The following CLDN17 variants were observed in gnomAD, a reference collection of about 807,000 sequenced individuals.
CLDN17 encodes the protein claudin-17.
CLDN17 carries 1 observed loss-of-function variant against 0.1 expected under a neutral mutation model. The ratio of observed to expected loss-of-function variants is 8.90; its 90% CI spans 3.16 to 42.21. CLDN17 has a LOEUF of 42.21. Among genes scored for constraint, CLDN17 ranks in the 30% most tolerant of loss-of-function variants. CLDN17 has a pLI of 0.11. For synonymous variants in CLDN17, 134 were observed against 106.7 expected, an observed-to-expected ratio of 1.26 and a Z score of -1.58; for missense variants, 294 against 274.9, an observed-to-expected ratio of 1.07 and a Z score of -0.49.
chr21:30,166,538 A>G lies in CLDN17; in HGVS notation c.80T>C (p.Leu27Pro). 2.5e-6 allele frequency: 4 copies of G among 1,614,196 alleles called. No individual in the cohort carries two copies. In the South Asian group the frequency reaches 3.3e-5, roughly 13 times the overall value. ...GMVGTLATTL[L>P]PQWRVSAFVG... ...AAAAGCTGATACTCTCCACTGAGGC[A>G]GAAGGGTTGTGGCAAGAGTCCCCAC... The change falls in exon 1 of 1, where the codon CTG becomes CCG. Residue 27 changes from leucine to proline, a missense_variant. By Grantham distance (98) the Leu-to-Pro change is moderately conservative (BLOSUM62 -3). Transcript: ENST00000286808.
rs1391203464 is a variant in CLDN17, at chr21:30,165,966, T to A, written c.652A>T (p.Lys218Ter). 1 of 1,614,060 alleles carries A rather than the reference T, an allele frequency of 6.2e-7. No homozygotes were observed. Among genetic ancestry groups the A allele is most frequent in the South Asian group, 1.1e-5 (1 of 91,080 alleles). ...CATTAGACATAACTGGTGGAGGTCT[T>A]ACTAAGCATTGTCGTATTTCTTCGC... ...DKRRNTTMLS[K>*]TSTSYV Residue 218 changes from lysine to a stop codon, truncating the protein, a stop_gained, in exon 1 of 1, where the codon AAG (lysine) becomes TAG (stop). Coordinates refer to ENST00000286808, the MANE Select transcript of CLDN17 (RefSeq NM_012131.3). LOFTEE classifies it high-confidence loss of function.
chr21:30,166,259 C>T lies in CLDN17; in HGVS notation c.359G>A (p.Gly120Glu), dbSNP rs1980844279. 1.9e-6 allele frequency: 3 copies of T among 1,614,144 alleles called. No individual in the cohort carries two copies. In the East Asian group the frequency reaches 6.7e-5, roughly 36 times the overall value. The change falls in exon 1 of 1, where the codon GGA becomes GAA. Residue 120 changes from glycine to glutamate, a missense_variant. Gly to Glu is a moderately conservative substitution (Grantham distance 98). Coordinates refer to ENST00000286808, the MANE Select transcript of CLDN17 (RefSeq NM_012131.3). The stretch of plus-strand genomic sequence containing the variant: ...CAGGATGAAGAGGACTCCTGAAGTT[C>T]CCAGAAGGTATGCTTTGGCCCTCTC... Reference protein sequence around the residue: ...SNERAKAYLLGTSGVLFILTG... With the variant: ...SNERAKAYLLETSGVLFILTG...
Position 30,166,744 on chromosome 21 carries a change from T to C in CLDN17, c.-127A>G. On this transcript the variant is annotated 5_prime_UTR_variant, in exon 1 of 1. It removes the in-frame stop codon of an upstream open reading frame in the 5' UTR. Transcript: ENST00000286808. Reference sequence around the variant, plus strand: ...TCCTTGGCTGCTGCCCATAACGTTTTAGTCCAAATCAGTAGCTGTGACTGA... The same window carrying C: ...TCCTTGGCTGCTGCCCATAACGTTTCAGTCCAAATCAGTAGCTGTGACTGA... 1.2e-6 allele frequency: 1 copy of C among 815,770 alleles called. No homozygotes were observed. The highest frequency in any genetic ancestry group is 1.7e-5 in the African/African-American group (1 of 57,714). The allele number at this position is 815,770 out of a possible 1,614,324, so 50.5% of individuals were successfully genotyped here.
Position 30,166,293 on chromosome 21 carries a change from C to G in CLDN17, c.325G>C (p.Gly109Arg), listed in dbSNP as rs776974726. The G allele has an allele frequency of 5.6e-6, 9 of 1,614,056 alleles. No homozygotes were observed. In the African/African-American group the frequency reaches 1.1e-4, roughly 19 times the overall value. Reference protein sequence around the residue: ...ICGMKQVQCTGSNERAKAYLL... With the variant: ...ICGMKQVQCTRSNERAKAYLL... ...TATGCTTTGGCCCTCTCGTTAGAGC[C>G]TGTGCACTGGACCTGCTTCATGCCA... The change falls in exon 1 of 1, where the codon GGC becomes CGC. Residue 109 changes from glycine to arginine, a missense_variant. By Grantham distance (125) the Gly-to-Arg change is moderately radical. Coordinates refer to ENST00000286808, the MANE Select transcript of CLDN17 (RefSeq NM_012131.3).
At position 30,166,411 on chromosome 21, in the gene CLDN17, G is replaced by A; in HGVS notation, c.207C>T (p.Ser69=). 4 of 1,614,096 alleles carry A rather than the reference G, an allele frequency of 2.5e-6. No homozygotes were observed. The highest frequency in any genetic ancestry group is 3.4e-6 in the Non-Finnish European group (4 of 1,180,020). The stretch of plus-strand genomic sequence containing the variant: ...CCAGGGCAGGCGGGAGAGCCAACAA[G>A]GAGCTATAGAACTTGCATTGCAACC... ...RVRLQCKFYS[S]LLALPPALET... The change falls in exon 1 of 1, where the codon TCC becomes TCT. Residue 69 remains serine (S), a synonymous_variant. Coordinates refer to ENST00000286808, the MANE Select transcript of CLDN17 (RefSeq NM_012131.3).
Position 30,166,471 on chromosome 21 carries a change from C to A in CLDN17, c.147G>T (p.Gly49=), listed in dbSNP as rs757865028. 5 of 1,613,986 alleles carry A rather than the reference C, an allele frequency of 3.1e-6. No individual in the cohort carries two copies. The highest frequency in any genetic ancestry group is 1.7e-5 in the Admixed American group (1 of 59,984). ...CTTGTCGGATGCAATTCATCCAGAGCCCTTCCCAGAGCCTCTCAAAGACAA... is the reference window on the plus strand; with the variant it reads ...CTTGTCGGATGCAATTCATCCAGAGACCTTCCCAGAGCCTCTCAAAGACAA... ...NIIVFERLWE[G]LWMNCIRQAR... is the part of the protein sequence containing the mutation. Residue 49 remains glycine, a synonymous_variant, in exon 1 of 1, where the codon GGG becomes GGT. Coordinates refer to ENST00000286808, the MANE Select transcript of CLDN17 (RefSeq NM_012131.3).
Position 30,166,607 on chromosome 21 carries a change from T to C in CLDN17, c.11A>G (p.Tyr4Cys). The change falls in exon 1 of 1, where the codon TAT becomes TGT. Residue 4 changes from tyrosine to cysteine, a missense_variant. Transcript: ENST00000286808. Reference sequence around the variant, plus strand: ...AACCAGCCCAGCAATTTGCAAGGGATAAAATGCCATTGCCTTTACTTTGAA... The same window carrying C: ...AACCAGCCCAGCAATTTGCAAGGGACAAAATGCCATTGCCTTTACTTTGAA... Reference protein sequence around the residue: MAFYPLQIAGLVLG... With the variant: MAFCPLQIAGLVLG... 6.2e-7 allele frequency: 1 copy of C among 1,609,594 alleles called. No individual in the cohort carries two copies. The highest frequency in any genetic ancestry group is 8.5e-7 in the Non-Finnish European group (1 of 1,178,160).
chr21:30,165,945 A>T lies in CLDN17; in HGVS notation c.673T>A (p.Ter225LysextTer16). The T allele has an allele frequency of 6.2e-7, 1 of 1,613,174 alleles. No homozygotes were observed. Among genetic ancestry groups the T allele is most frequent in the Non-Finnish European group, 8.5e-7 (1 of 1,179,356 alleles). The change falls in exon 1 of 1, where the codon TAA becomes AAA. Residue 225 changes from the stop codon to lysine (K), a stop_lost. Coordinates refer to ENST00000286808, the MANE Select transcript of CLDN17 (RefSeq NM_012131.3). ...ATACTTGGAGCCAAAAGGAGGCATT[A>T]GACATAACTGGTGGAGGTCTTACTA... The part of the protein sequence containing the change: ...MLSKTSTSYV[*>K]
Position 30,166,092 on chromosome 21 carries a change from A to G in CLDN17, c.526T>C (p.Phe176Leu). 6.2e-7 allele frequency: 1 copy of G among 1,614,168 alleles called. No individual in the cohort carries two copies. The highest frequency in any genetic ancestry group is 8.5e-7 in the Non-Finnish European group (1 of 1,180,042). The change falls in exon 1 of 1, where the codon TTC (phenylalanine) becomes CTC (leucine). Residue 176 changes from phenylalanine to leucine, a missense_variant. Physicochemically the swap from Phe to Leu is conservative, Grantham distance 22 (BLOSUM62 0). Transcript: ENST00000286808. ...FLGWASAAVL[F>L]IGGGLLCGFC... ...CCACAAAGCAGACCCCCTCCAATGA[A>G]GAGGACAGCAGCGCTTGCCCAGCCA... is the stretch of plus-strand genomic sequence containing the variant.
In CLDN17 at chr21:30,165,923, C is replaced by T; in HGVS notation, c.*20G>A. On this transcript the variant is annotated 3_prime_UTR_variant, in exon 1 of 1. Transcript: ENST00000286808. Reference sequence around the variant, plus strand: ...TAAAAAACATTGACCATAGTCCATACTTGGAGCCAAAAGGAGGCATTAGAC... The same window carrying T: ...TAAAAAACATTGACCATAGTCCATATTTGGAGCCAAAAGGAGGCATTAGAC... The T allele has an allele frequency of 3.7e-6, 6 of 1,607,100 alleles. No homozygotes were observed. The highest frequency in any genetic ancestry group is 5.1e-6 in the Non-Finnish European group (6 of 1,175,566).
At position 30,166,449 on chromosome 21, in the gene CLDN17, G is replaced by A. The variant is rs760445191; in HGVS notation, c.169C>T (p.Gln57Ter). ...WEGLWMNCIR[Q>*]ARVRLQCKFY... ...TTGCATTGCAACCGGACCCTGGCTT[G>A]TCGGATGCAATTCATCCAGAGCCCT... Residue 57 changes from glutamine (Q) to a stop codon, truncating the protein, a stop_gained, in exon 1 of 1, where the codon CAA becomes TAA. Coordinates refer to ENST00000286808, the MANE Select transcript of CLDN17 (RefSeq NM_012131.3). LOFTEE classifies it low-confidence loss of function (END_TRUNC). 1.2e-6 allele frequency: 2 copies of A among 1,614,108 alleles called. No individual in the cohort carries two copies. Among genetic ancestry groups the A allele is most frequent in the Non-Finnish European group, 1.7e-6 (2 of 1,180,016 alleles).
chr21:30,165,836 TAAATCTAG>T lies in CLDN17; in HGVS notation c.*99_*106del. The T allele has an allele frequency of 9.4e-7, 1 of 1,063,720 alleles. No homozygotes were observed. The highest frequency in any genetic ancestry group is 2.4e-5 in the East Asian group (1 of 41,720). The allele number at this position is 1,063,720 out of a possible 1,614,324, so 65.9% of individuals were successfully genotyped here. A position where few individuals can be genotyped will look rare whatever the true frequency, so the allele number is the denominator to read the frequency against. The stretch of plus-strand genomic sequence containing the variant: ...ACAAATTGAAACTTTCGTATCAATG[TAAATCTAG>T]ACATAAAGCAAGTTCTCCTGCCTCA... On this transcript the variant is annotated 3_prime_UTR_variant, in exon 1 of 1. Coordinates refer to ENST00000286808, the MANE Select transcript of CLDN17 (RefSeq NM_012131.3).
Position 30,166,344 on chromosome 21 carries a change from A to C in CLDN17, c.274T>G (p.Leu92Val), listed in dbSNP as rs574192286. The C allele has an allele frequency of 3.5e-5, 56 of 1,614,162 alleles. 1 individual carries two copies. The South Asian group carries it at 5.9e-4, about 17-fold the overall frequency. The change falls in exon 1 of 1, where the codon TTG becomes GTG. Residue 92 changes from leucine (L) to valine (V), a missense_variant. Physicochemically the swap from Leu to Val is conservative, Grantham distance 32. Coordinates refer to ENST00000286808, the MANE Select transcript of CLDN17 (RefSeq NM_012131.3). ...ALMCVAVALS[L>V]IALLIGICGM... The stretch of plus-strand genomic sequence containing the variant: ...CAGATGCCAATAAGCAGGGCGATCA[A>C]GGAGAGAGCAACAGCCACACACATG...
chr21:30,166,796 G>C lies in CLDN17; in HGVS notation c.-179C>G, dbSNP rs1041854896. 39 of 591,862 alleles carry C rather than the reference G, an allele frequency of 6.6e-5. No homozygotes were observed. Among genetic ancestry groups the C allele is most frequent in the Non-Finnish European group, 9.1e-6 (3 of 328,980 alleles). 36.7% of individuals were successfully genotyped at this position (591,862 alleles called of 1,614,324 possible). A position where few individuals can be genotyped will look rare whatever the true frequency, so the allele number is the denominator to read the frequency against. On this transcript the variant is annotated 5_prime_UTR_variant, in exon 1 of 1. Coordinates refer to ENST00000286808, the MANE Select transcript of CLDN17 (RefSeq NM_012131.3). ...CTTGGCCTAACTAGAAGTACCTGTTGTAAATGCATGTTGCCTTTTTTCATA... is the reference window on the plus strand; with the variant it reads ...CTTGGCCTAACTAGAAGTACCTGTTCTAAATGCATGTTGCCTTTTTTCATA...
rs202213185 is a variant in CLDN17, at chr21:30,166,143, G to A, written c.475C>T (p.Arg159Ter). ...AGGAAAAGTGCTGCTCCCAGCTCTC[G>A]TTTCTGACCTATGTGGATGGCTGGG... ...YNPAIHIGQK[R>*]ELGAALFLGW... The change falls in exon 1 of 1, where the codon CGA becomes TGA. Residue 159 changes from arginine to a stop codon, truncating the protein, a stop_gained. Coordinates refer to ENST00000286808, the MANE Select transcript of CLDN17 (RefSeq NM_012131.3). LOFTEE classifies it low-confidence loss of function (END_TRUNC). 6.7e-5 allele frequency: 108 copies of A among 1,614,126 alleles called. No individual in the cohort carries two copies. In the African/African-American group the frequency reaches 9.9e-4, roughly 15 times the overall value.
Position 30,166,080 on chromosome 21 carries a change from C to T in CLDN17, c.538G>A (p.Gly180Ser), listed in dbSNP as rs1980838705. The T allele has an allele frequency of 6.2e-7, 1 of 1,614,004 alleles. No individual in the cohort carries two copies. The highest frequency in any genetic ancestry group is 1.1e-5 in the South Asian group (1 of 91,082). The change falls in exon 1 of 1, where the codon GGT becomes AGT. Residue 180 changes from glycine (G) to serine (S), a missense_variant. Transcript: ENST00000286808. ...CAGCAGCAAAATCCACAAAGCAGAC[C>T]CCCTCCAATGAAGAGGACAGCAGCG... ...ASAAVLFIGGGLLCGFCCCNR... is the reference protein window; with the variant it reads ...ASAAVLFIGGSLLCGFCCCNR...
rs538331933 is a variant in CLDN17, at chr21:30,166,782, T to C, written c.-165A>G. 1.6e-6 allele frequency: 1 copy of C among 619,586 alleles called. No homozygotes were observed. Among genetic ancestry groups the C allele is most frequent in the East Asian group, 2.8e-5 (1 of 35,822 alleles). 38.4% of individuals were successfully genotyped at this position (619,586 alleles called of 1,614,324 possible). Reference sequence around the variant, plus strand: ...TAGCTGTGACTGAACTTGGCCTAACTAGAAGTACCTGTTGTAAATGCATGT... The same window carrying C: ...TAGCTGTGACTGAACTTGGCCTAACCAGAAGTACCTGTTGTAAATGCATGT... On this transcript the variant is annotated 5_prime_UTR_variant, in exon 1 of 1. Transcript: ENST00000286808.
In CLDN17 at chr21:30,165,715, A is replaced by C. The variant is rs1980828081; in HGVS notation, c.*228T>G. On this transcript the variant is annotated 3_prime_UTR_variant, in exon 1 of 1. Coordinates refer to ENST00000286808, the MANE Select transcript of CLDN17 (RefSeq NM_012131.3). ...GGTATACTTGAATTTAGAATATGAAAATTGGAGCAGCGATTGGGTCCAACA... is the reference window on the plus strand; with the variant it reads ...GGTATACTTGAATTTAGAATATGAACATTGGAGCAGCGATTGGGTCCAACA... 1.8e-6 allele frequency: 1 copy of C among 571,254 alleles called. No homozygotes were observed. The highest frequency in any genetic ancestry group is 1.9e-5 in the African/African-American group (1 of 53,464). 35.4% of individuals were successfully genotyped at this position (571,254 alleles called of 1,614,324 possible).
Position 30,166,625 on chromosome 21 carries a change from A to T in CLDN17, c.-8T>A, listed in dbSNP as rs772138103. The T allele has an allele frequency of 1.3e-6, 2 of 1,597,012 alleles. No homozygotes were observed. Among genetic ancestry groups the T allele is most frequent in the Non-Finnish European group, 1.7e-6 (2 of 1,172,802 alleles). On this transcript the variant is annotated 5_prime_UTR_variant, in exon 1 of 1. Transcript: ENST00000286808. Reference sequence around the variant, plus strand: ...CAAGGGATAAAATGCCATTGCCTTTACTTTGAAGACTGGTTCAATTCGGAG... The same window carrying T: ...CAAGGGATAAAATGCCATTGCCTTTTCTTTGAAGACTGGTTCAATTCGGAG...
Sources: gnomAD v4.1 joint callset for allele counts on GRCh38, gnomAD v4.1.1 for gene constraint, MANE v1.5 for transcripts, NCBI Gene and HGNC (gene_info 2026-07-23, HGNC 2026-07-21) for gene names.